The following CASP9 variants were observed in gnomAD, a reference collection of about 807,000 sequenced individuals.
CASP9 encodes the protein caspase-9.
Under a neutral mutation model 43.5 loss-of-function variants are expected in CASP9, and 29 were observed. The observed-to-expected ratio is 0.67, with a 90% CI of 0.50 to 0.91. The LOEUF (loss-of-function observed/expected upper bound fraction) is 0.91, where lower values mean the gene tolerates loss of function less well. CASP9 is among the 40% of genes least tolerant of loss of function. The pLI, the probability that CASP9 is intolerant of heterozygous loss-of-function variation, is 0.00. For synonymous variants in CASP9, 206 were observed against 211.9 expected (o/e 0.97, Z 0.24); for missense variants, 575 against 537.4 (o/e 1.07, Z -0.69).
chr1:15,494,862 CAAA>C (rs563954013), intron 7 of CASP9, among the ~76,000 whole-genome samples: 31 of 44,294 alleles, frequency 7.0e-4, no homozygotes, highest in African/African-American at 2.0e-3. Flanking sequence ...GATTCCATCT[CAAA>C]AAAAAAAAAA....
chr1:15,514,882 G>A (rs1306554101), intron 2 of CASP9, among the ~76,000 whole-genome samples: 3 of 152,112 alleles, frequency 2.0e-5, no homozygotes, highest in Non-Finnish European at 2.9e-5. Flanking sequence ...TGGTGCACCT[G>A]TAGTCCCAGC....
chr1:15,499,681 AT>A (rs1709246907), intron 6 of CASP9, among the ~76,000 whole-genome samples: 1 of 152,188 alleles, frequency 6.6e-6, no homozygotes, highest in Non-Finnish European at 1.5e-5. Context: ...AAATTAGTGC[AT>A]GTCATGAAAA....
chr1:15,498,130 C>G (rs1399984228), intron 6 of CASP9, among the ~76,000 whole-genome samples: 2 of 152,152 alleles, frequency 1.3e-5, no homozygotes, highest in Admixed American at 6.5e-5. Flanking sequence ...GTCACCCAGG[C>G]TGGAGTGCAG....
In CASP9 at chr1:15,507,038, A is replaced by T; in HGVS notation, c.491T>A (p.Leu164His). Reference protein sequence around the residue: ...ILSMEPCGHCLIINNVNFCRE... With the variant: ...ILSMEPCGHCHIINNVNFCRE... ...GCAGAAGTTCACATTGTTGATAATG[A>T]GGCAGTGGCCACAGGGCTCCATGCT... Residue 164 changes from leucine to histidine, a missense_variant, in exon 4 of 9, where the codon CTC becomes CAC. Leu to His is a moderately conservative substitution (Grantham distance 99). Transcript: ENST00000333868. The T allele has an allele frequency of 1.9e-6, 3 of 1,614,164 alleles. No individual in the cohort carries two copies. Among genetic ancestry groups the T allele is most frequent in the Non-Finnish European group, 1.7e-6 (2 of 1,180,018 alleles).
At chr1:15,520,860 G>T (rs1168657417) in intron 1 of CASP9, among the ~76,000 whole-genome samples, 1 of 151,946 alleles carries the variant, frequency 6.6e-6, no homozygotes, top group Non-Finnish European at 1.5e-5. Flanking sequence ...GGCTGAGGCA[G>T]AACAGCTTGA....
At position 15,516,623 on chromosome 1, in the gene CASP9, ACAC is replaced by A. The variant is rs577298541; in HGVS notation, c.418+1484_418+1486del. ...CTCAAGTAGCTTGTCCTACAGGCTC[ACAC>A]CACCACACCTGGCTAAAATGACATA... On this transcript the variant is annotated intron_variant, in intron 2 of 8. Transcript: ENST00000333868. Among the ~76,000 whole-genome samples, 7 of 152,282 alleles carry A rather than the reference ACAC, an allele frequency of 4.6e-5. No homozygotes were observed. The South Asian group carries it at 1.4e-3, about 32-fold the overall frequency.
chr1:15,524,586 A>ACGTCCCCGCACTGACCTCG (rs1570886302), upstream of CASP9: 1 of 864,156 alleles, frequency 1.2e-6, no homozygotes, highest in Non-Finnish European at 1.3e-6. Flanking sequence ...CACTGACCTC[A>ACGTCCCCGCACTGACCTCG]CGTCACCGCC....
At position 15,524,142 on chromosome 1, in the gene CASP9, A is replaced by G. The variant is rs542382800; in HGVS notation, c.59T>C (p.Leu20Pro). The G allele has an allele frequency of 1.4e-5, 21 of 1,540,634 alleles. No individual in the cohort carries two copies. The South Asian group carries it at 2.5e-4, about 18-fold the overall frequency. The change falls in exon 1 of 9, where the codon CTG (leucine) becomes CCG (proline). Residue 20 changes from leucine to proline, a missense_variant. Physicochemically the swap from Leu to Pro is moderately conservative, Grantham distance 98 (BLOSUM62 -3). Transcript: ENST00000333868. ...GGCGTCCCAGAGCTGGTCCACCTGC[A>G]GCTCTTCCACCAGCCGCAGCCGGCA... ...RRCRLRLVEE[L>P]QVDQLWDALL...
At chr1:15,493,845 C>T (rs755662918) in intron 8 of CASP9, 47 bp downstream of exon 8, 1 of 1,553,574 alleles carries the variant, frequency 6.4e-7, no homozygotes, top group Non-Finnish European at 8.7e-7. Flanking sequence ...GGACACGCTG[C>T]CCCTCAGCAG....
At chr1:15,513,677 A>G (rs1442998909) in intron 2 of CASP9, among the ~76,000 whole-genome samples, 2 of 152,180 alleles carry the variant, frequency 1.3e-5, no homozygotes, top group Admixed American at 6.5e-5. Context: ...CTGCATCCCC[A>G]ACACCTAGAA....
At chr1:15,498,213 G>T (rs1203958119) in intron 6 of CASP9, among the ~76,000 whole-genome samples, 1 of 152,166 alleles carries the variant, frequency 6.6e-6, no homozygotes, top group African/African-American at 2.4e-5. Flanking sequence ...CTCTCAAGTA[G>T]CTGGGACTAC....
At chr1:15,506,294 CA>C (rs35997775) in intron 4 of CASP9, among the ~76,000 whole-genome samples, 5 of 148,620 alleles carry the variant, frequency 3.4e-5, no homozygotes, top group Admixed American at 6.7e-5. Flanking sequence ...ACTAAAAATA[CA>C]AAAAAAAAAA....
At chr1:15,524,464 GC>G, upstream of CASP9, 1 of 902,114 alleles carries the variant, frequency 1.1e-6, no homozygotes, top group Non-Finnish European at 1.3e-6. Context: ...TCACCGCGCC[GC>G]CCCAGAACAC....
intron 2 of CASP9, among the ~76,000 whole-genome samples, chr1:15,517,460 C>T (rs1709995587): frequency 6.6e-6 from 1 of 152,124 alleles, no homozygotes; most frequent in Non-Finnish European, 1.5e-5. Flanking sequence ...AACGGTCTTA[C>T]AGGACCCCGG....
At chr1:15,503,947 G>A (rs1709421902) in intron 6 of CASP9, among the ~76,000 whole-genome samples, 1 of 152,164 alleles carries the variant, frequency 6.6e-6, no homozygotes, top group Admixed American at 6.6e-5. Context: ...AGATAACACT[G>A]TAATAGGAGT....
chr1:15,494,862 C>CAAAAAAA (rs563954013), intron 7 of CASP9, among the ~76,000 whole-genome samples: 4 of 44,292 alleles, frequency 9.0e-5, no homozygotes, highest in Admixed American at 2.7e-4. Flanking sequence ...GATTCCATCT[C>CAAAAAAA]AAAAAAAAAA....
rs763778442 is a variant in CASP9 at position 15,506,975 on chromosome 1, A to T, written c.554T>A (p.Ile185Asn). The T allele has an allele frequency of 1.2e-6, 2 of 1,614,168 alleles. No homozygotes were observed. The highest frequency in any genetic ancestry group is 2.2e-5 in the South Asian group (2 of 91,086). ...GCGACGCCGCAACTTCTCACAGTCG[A>T]TGTTGGAGCCAGTGCGGGTGCGGAG... is the stretch of plus-strand genomic sequence containing the variant. ...SGLRTRTGSN[I>N]DCEKLRRRFS... Residue 185 changes from isoleucine to asparagine, a missense_variant, in exon 4 of 9, where the codon ATC (isoleucine) becomes AAC (asparagine). Coordinates refer to ENST00000333868, the MANE Select transcript of CASP9 (RefSeq NM_001229.5).
chr1:15,507,238 G>T, intron 3 of CASP9, 163 bp from the exon 4 acceptor site: 1 of 670,122 alleles, frequency 1.5e-6, no homozygotes, highest in Non-Finnish European at 2.5e-6. Flanking sequence ...GGGAAGACTA[G>T]CACTAGAAGG....
intron 5 of CASP9, 140 bp downstream of exon 5, chr1:15,505,850 C>T (rs1022675629): frequency 5.7e-6 from 4 of 701,338 alleles, no homozygotes; most frequent in South Asian, 3.3e-5. Context: ...AAGAAAACAA[C>T]AGGAGGTGGG....
Sources: allele counts gnomAD v4.1 joint callset (sites outside exome capture counted in the v4.1 genomes callset), GRCh38; gene constraint gnomAD v4.1.1; transcripts MANE v1.5; gene names NCBI Gene and HGNC (gene_info 2026-07-23, HGNC 2026-07-21).